OR8B8: variants seen among roughly 807,000 people sequenced by gnomAD.
The protein encoded by OR8B8 is olfactory receptor family 8 subfamily B member 8.
In OR8B8, 8 loss-of-function variants were observed where a neutral mutation model predicts 10.5. That is an observed-to-expected ratio of 0.76 (90% CI 0.45 to 1.38). The LOEUF is 1.38. Ranked by LOEUF, OR8B8 falls within the 40% of genes most tolerant of loss-of-function variation. The probability of loss-of-function intolerance (pLI) is 0.00; values close to 1 mark genes in which losing one functional copy is unlikely to be tolerated. For missense variants in OR8B8, 390 were observed against 380.5 expected (o/e 1.03, Z -0.21); for synonymous variants, 150 against 145.2 (o/e 1.03, Z -0.24).
At position 124,439,844 on chromosome 11, in the gene OR8B8, C is replaced by T. The variant is rs550667635; in HGVS notation, c.*306G>A. 3.5e-5 allele frequency: 9 copies of T among 254,388 alleles called. No homozygotes were observed. In the East Asian group the frequency reaches 6.0e-4, roughly 17 times the overall value. The allele number at this position is 254,388 out of a possible 1,614,324, so 15.8% of individuals were successfully genotyped here. ...GAAGAAAGTGAGCCATAATGAAAAGCAGCCAGTACTGGAAATAAAGAGCCT... is the reference window on the plus strand; with the variant it reads ...GAAGAAAGTGAGCCATAATGAAAAGTAGCCAGTACTGGAAATAAAGAGCCT... On this transcript the variant is annotated 3_prime_UTR_variant, in exon 3 of 3. Coordinates refer to ENST00000642064, the MANE Select transcript of OR8B8 (RefSeq NM_012378.2).
At chr11:124,442,616 G>A (rs143499551) in intron 1 of OR8B8, among the ~76,000 whole-genome samples, 2 of 152,226 alleles carry the variant, frequency 1.3e-5, no homozygotes, top group Non-Finnish European at 2.9e-5. Flanking sequence ...GATGGCCCCT[G>A]TCCTCTATCG....
chr11:124,444,189 A>G (rs1861504528), intron 1 of OR8B8, among the ~76,000 whole-genome samples: 1 of 152,150 alleles, frequency 6.6e-6, no homozygotes, highest in Admixed American at 6.5e-5. Context: ...AATCCCAGCT[A>G]AGGTACTCCT....
rs199557225 is a variant in OR8B8, at chr11:124,440,478, A to C, written c.608T>G (p.Val203Gly). The change falls in exon 3 of 3, where the codon GTG becomes GGG. Residue 203 changes from valine (V) to glycine (G), a missense_variant. Transcript: ENST00000642064. ...TGTGGGCACACCAATATCAATGCCC[A>C]CAACAACAAACACTACAAGCTCATT... ...YVNELVVFVVVGIDIGVPTVT... is the reference protein window; with the variant it reads ...YVNELVVFVVGGIDIGVPTVT... 310 of 1,614,120 alleles carry C rather than the reference A, an allele frequency of 1.9e-4. No homozygotes were observed. Among genetic ancestry groups the C allele is most frequent in the Non-Finnish European group, 2.5e-4 (296 of 1,180,058 alleles).
chr11:124,445,333 A>G (rs1049596075), intron 1 of OR8B8, among the ~76,000 whole-genome samples: 4 of 151,446 alleles, frequency 2.6e-5, no homozygotes, highest in Non-Finnish European at 5.9e-5. Context: ...GTCTTTAGCA[A>G]AAAAAAAATA....
chr11:124,440,122 T>C lies in OR8B8; in HGVS notation c.*28A>G. 6.4e-7 allele frequency: 1 copy of C among 1,551,414 alleles called. No homozygotes were observed. Among genetic ancestry groups the C allele is most frequent in the Non-Finnish European group, 8.8e-7 (1 of 1,134,500 alleles). ...TCCAAATCACTTATGGGAGAAACAG[T>C]GTTTCTTTCCTGAGCATTGCCCTTT... On this transcript the variant is annotated 3_prime_UTR_variant, in exon 3 of 3. Coordinates refer to ENST00000642064, the MANE Select transcript of OR8B8 (RefSeq NM_012378.2).
At chr11:124,442,174 C>G (rs748164880) in intron 1 of OR8B8, among the ~76,000 whole-genome samples, 1 of 152,092 alleles carries the variant, frequency 6.6e-6, no homozygotes, top group African/African-American at 2.4e-5. Context: ...TTTTATCACC[C>G]TCATTTTAGA....
intron 1 of OR8B8, among the ~76,000 whole-genome samples, chr11:124,443,273 T>G (rs1178620523): frequency 1.3e-5 from 2 of 152,210 alleles, no homozygotes; most frequent in African/African-American, 4.8e-5. Context: ...GATATAGTTG[T>G]GCATCAACCC....
intron 1 of OR8B8, among the ~76,000 whole-genome samples, chr11:124,441,844 G>T (rs1167294535): frequency 6.6e-6 from 1 of 152,150 alleles, no homozygotes; most frequent in Non-Finnish European, 1.5e-5. Context: ...TCTGAGTTTG[G>T]ATATCTGGGG....
intron 1 of OR8B8, among the ~76,000 whole-genome samples, chr11:124,445,261 A>C (rs1043767840): frequency 6.6e-6 from 1 of 152,202 alleles, no homozygotes; most frequent in African/African-American, 2.4e-5. Flanking sequence ...GTCTACTACA[A>C]CTTGCTGGGG....
At position 124,440,469 on chromosome 11, in the gene OR8B8, T is replaced by G; in HGVS notation, c.617A>C (p.Asp206Ala). 1 of 1,614,122 alleles carries G rather than the reference T, an allele frequency of 6.2e-7. No individual in the cohort carries two copies. The highest frequency in any genetic ancestry group is 8.5e-7 in the Non-Finnish European group (1 of 1,180,018). ...ELVVFVVVGIDIGVPTVTIFI... is the reference protein window; with the variant it reads ...ELVVFVVVGIAIGVPTVTIFI... The stretch of plus-strand genomic sequence containing the variant: ...GATGGTGACTGTGGGCACACCAATA[T>G]CAATGCCCACAACAACAAACACTAC... The change falls in exon 3 of 3, where the codon GAT (aspartate) becomes GCT (alanine). Residue 206 changes from aspartate to alanine, a missense_variant. Transcript: ENST00000642064.
At chr11:124,444,424 C>T (rs191236051) in intron 1 of OR8B8, among the ~76,000 whole-genome samples, 49 of 152,268 alleles carry the variant, frequency 3.2e-4, no homozygotes, top group African/African-American at 5.1e-4. Context: ...AAATAATTAT[C>T]GGCTCACACC....
rs1194489428 is a variant in OR8B8 at position 124,440,900 on chromosome 11, G to A, written c.186C>T (p.Phe62=). The A allele has an allele frequency of 6.2e-7, 1 of 1,614,112 alleles. No individual in the cohort carries two copies. Among genetic ancestry groups the A allele is most frequent in the African/African-American group, 1.3e-5 (1 of 75,024 alleles). The stretch of plus-strand genomic sequence containing the variant: ...AATCTATGAAGGACAAGTTATAGAG[G>A]AAGAAGTACATAGGGGTGTGCAAGT... ...NSHLHTPMYF[F]LYNLSFIDFC... is the part of the protein sequence containing the mutation. The change falls in exon 3 of 3, where the codon TTC becomes TTT. Residue 62 remains phenylalanine, a synonymous_variant. Coordinates refer to ENST00000642064, the MANE Select transcript of OR8B8 (RefSeq NM_012378.2).
rs1292148098 is a variant in OR8B8 at position 124,440,943 on chromosome 11, AG to A, written c.142del (p.Leu48Ter). 7 of 1,614,002 alleles carry A rather than the reference AG, an allele frequency of 4.3e-6. No individual in the cohort carries two copies. The highest frequency in any genetic ancestry group is 4.2e-6 in the Non-Finnish European group (5 of 1,180,030). On this transcript the variant is annotated frameshift_variant, in exon 3 of 3. Coordinates refer to ENST00000642064, the MANE Select transcript of OR8B8 (RefSeq NM_012378.2). LOFTEE classifies it high-confidence loss of function. ...TVVGNLGLIT[L>X]IRLNSHLHTP... ...GTGCAAGTGAGAGTTGAGCCTTATC[AG>A]GGTTATCAAGCCCAGGTTCCCCACC...
rs764205896 is a variant in OR8B8, at chr11:124,440,310, T to C, written c.776A>G (p.Tyr259Cys). ...AGCTAAAAGAGAAAAGGGTTTGAGG[T>C]ACATGAATGCTCCTGACCCAAAGAA... ...SLFFGSGAFM[Y>C]LKPFSLLAMN... Residue 259 changes from tyrosine to cysteine, a missense_variant, in exon 3 of 3, where the codon TAC becomes TGC. Transcript: ENST00000642064. The C allele has an allele frequency of 1.8e-5, 29 of 1,614,044 alleles. No homozygotes were observed. The East Asian group carries it at 2.0e-4, about 11-fold the overall frequency.
Position 124,439,251 on chromosome 11 carries a change from T to G in OR8B8, c.*899A>C, listed in dbSNP as rs573022280. 2 of 152,336 alleles carry G rather than the reference T, an allele frequency of 1.3e-5. No individual in the cohort carries two copies. The highest frequency in any genetic ancestry group is 2.9e-5 in the Non-Finnish European group (2 of 68,184). 9.4% of individuals were successfully genotyped at this position (152,336 alleles called of 1,614,324 possible). ...AAGTTTTTTTGTTGTTGTTGTTGTT[T>G]AGATGGAGTCTTGCTCCATTGCCCA... On this transcript the variant is annotated 3_prime_UTR_variant, in exon 3 of 3. Coordinates refer to ENST00000642064, the MANE Select transcript of OR8B8 (RefSeq NM_012378.2).
At chr11:124,443,576 T>G (rs1027498862) in intron 1 of OR8B8, among the ~76,000 whole-genome samples, 1 of 152,192 alleles carries the variant, frequency 6.6e-6, no homozygotes, top group Non-Finnish European at 1.5e-5. Flanking sequence ...GCAAAAGGCC[T>G]TTCTAAGCTT....
At chr11:124,442,169 T>C (rs547159587) in intron 1 of OR8B8, among the ~76,000 whole-genome samples, 1 of 152,332 alleles carries the variant, frequency 6.6e-6, no homozygotes, top group South Asian at 2.1e-4. Flanking sequence ...CTGGGTTTTA[T>C]CACCCTCATT....
Position 124,440,793 on chromosome 11 carries a change from ATACACCCTGCG to A in OR8B8, c.282_292del (p.Ala95AspfsTer13), listed in dbSNP as rs778096504. The A allele has an allele frequency of 1.2e-6, 2 of 1,614,246 alleles. No homozygotes were observed. Among genetic ancestry groups the A allele is most frequent in the Non-Finnish European group, 1.7e-6 (2 of 1,180,050 alleles). On this transcript the variant is annotated frameshift_variant, in exon 3 of 3. Transcript: ENST00000642064. LOFTEE classifies it high-confidence loss of function. ...GAAAAGAAAGAAGAAGAGCTGAGTC[ATACACCCTGCG>A]TAGGAGATGCTGTTCTTCTTTAAGA... is the stretch of plus-strand genomic sequence containing the variant.
intron 1 of OR8B8, among the ~76,000 whole-genome samples, chr11:124,443,942 C>T (rs575442775): frequency 6.6e-6 from 1 of 152,322 alleles, no homozygotes; most frequent in South Asian, 2.1e-4. Flanking sequence ...ATTAACACCC[C>T]TGGGAGTCAG....
Sources: gnomAD v4.1 joint callset for allele counts (sites outside exome capture counted in the v4.1 genomes callset) on GRCh38, gnomAD v4.1.1 for gene constraint, MANE v1.5 for transcripts, NCBI Gene and HGNC (gene_info 2026-07-23, HGNC 2026-07-21) for gene names.